The following CSMD3 variants were observed in gnomAD, a reference collection of about 807,000 sequenced individuals.
CSMD3 encodes the protein CUB and Sushi multiple domains 3, also known as CUB and sushi domain-containing protein 3.
Under a neutral mutation model 435.2 loss-of-function variants are expected in CSMD3, and 177 were observed. The observed-to-expected ratio is 0.41, with a 90% confidence interval of 0.36 to 0.46. CSMD3 has a LOEUF of 0.46. CSMD3 is among the 20% of genes least tolerant of loss of function. The pLI, the probability that CSMD3 is intolerant of heterozygous loss-of-function variation, is 0.34. For missense variants in CSMD3, 4,265 were observed against 4,504.6 expected (o/e 0.95, Z 1.52); for synonymous variants, 1,656 against 1,520.5 (o/e 1.09, Z -2.07).
At chr8:113,346,378 T>C (rs1439741404) in intron 1 of CSMD3, among the ~76,000 whole-genome samples, 1 of 152,098 alleles carries the variant, frequency 6.6e-6, no homozygotes, top group Non-Finnish European at 1.5e-5. Context: ...TGAATGAACT[T>C]AAAAAATCTG....
chr8:112,923,509 A>G (rs1482137429), intron 9 of CSMD3, among the ~76,000 whole-genome samples: 1 of 152,100 alleles, frequency 6.6e-6, no homozygotes, highest in African/African-American at 2.4e-5. Flanking sequence ...TGTTATATCA[A>G]TCTGGAAAAC....
intron 4 of CSMD3, among the ~76,000 whole-genome samples, chr8:113,119,757 T>C (rs2090933844): frequency 6.6e-6 from 1 of 152,106 alleles, no homozygotes; most frequent in Non-Finnish European, 1.5e-5. Context: ...AATAGTTAAA[T>C]ACATATTGCA....
chr8:112,906,916 A>T (rs910995836), intron 10 of CSMD3, among the ~76,000 whole-genome samples: 2 of 151,674 alleles, frequency 1.3e-5, no homozygotes, highest in South Asian at 2.1e-4. Context: ...ACCTCAAACC[A>T]TCTAGGGTAC....
At chr8:112,384,623 A>G (rs1829774816) in intron 36 of CSMD3, among the ~76,000 whole-genome samples, 2 of 152,348 alleles carry the variant, frequency 1.3e-5, no homozygotes, top group South Asian at 4.1e-4. Context: ...AATTACAACA[A>G]TTTCACTCAT....
intron 50 of CSMD3, among the ~76,000 whole-genome samples, chr8:112,308,660 AT>A (rs1821669828): frequency 6.6e-6 from 1 of 152,064 alleles, no homozygotes; most frequent in African/African-American, 2.4e-5. Flanking sequence ...ACTACATAAT[AT>A]TTAATTATAT....
intron 2 of CSMD3, among the ~76,000 whole-genome samples, chr8:113,293,852 G>C (rs1217447503): frequency 6.6e-6 from 1 of 151,968 alleles, no homozygotes; most frequent in Non-Finnish European, 1.5e-5. Flanking sequence ...ATACATATAA[G>C]AAATAAAATT....
chr8:112,679,125 A>T (rs2131765436), intron 16 of CSMD3, among the ~76,000 whole-genome samples: 1 of 150,960 alleles, frequency 6.6e-6, no homozygotes, highest in Non-Finnish European at 1.5e-5. Flanking sequence ...AAATAAAAAT[A>T]AGCTGAGGCA....
intron 1 of CSMD3, among the ~76,000 whole-genome samples, chr8:113,416,859 A>G (rs1215622894): frequency 6.6e-6 from 1 of 152,112 alleles, no homozygotes; most frequent in Non-Finnish European, 1.5e-5. Context: ...GCAATCTTTG[A>G]TTCAAGAGTA....
chr8:113,005,315 G>A (rs949263880), intron 6 of CSMD3, among the ~76,000 whole-genome samples: 6 of 151,800 alleles, frequency 4.0e-5, no homozygotes, highest in African/African-American at 1.5e-4. Flanking sequence ...ATACAGAAAT[G>A]AAAAATGTCA....
intron 37 of CSMD3, among the ~76,000 whole-genome samples, chr8:112,383,005 T>TTA (rs1829617679): frequency 6.6e-6 from 1 of 152,052 alleles, no homozygotes; most frequent in African/African-American, 2.4e-5. Flanking sequence ...AATAAAAACC[T>TTA]TAATAAATCT....
intron 1 of CSMD3, among the ~76,000 whole-genome samples, chr8:113,323,495 G>A (rs900779165): frequency 6.6e-6 from 1 of 152,070 alleles, no homozygotes; most frequent in African/African-American, 2.4e-5. Context: ...CAAGTTTAAC[G>A]TGTGTTTTGA....
At chr8:113,389,348 CA>C (rs1055849002) in intron 1 of CSMD3, among the ~76,000 whole-genome samples, 2 of 151,504 alleles carry the variant, frequency 1.3e-5, no homozygotes, top group African/African-American at 2.4e-5. Context: ...ACAACAAAAA[CA>C]AAACCACAAA....
intron 13 of CSMD3, among the ~76,000 whole-genome samples, chr8:112,748,803 C>A (rs1430913058): frequency 6.6e-6 from 1 of 152,100 alleles, no homozygotes. Context: ...ATGAACATTT[C>A]TGTCCATGTG....
At chr8:113,400,093 T>C (rs1241791215) in intron 1 of CSMD3, among the ~76,000 whole-genome samples, 1 of 151,924 alleles carries the variant, frequency 6.6e-6, no homozygotes, top group East Asian at 1.9e-4. Context: ...TTAGCCAAGT[T>C]TGTATGCAAT....
chr8:113,330,194 C>T (rs957334241), intron 1 of CSMD3, among the ~76,000 whole-genome samples: 1 of 151,932 alleles, frequency 6.6e-6, no homozygotes, highest in African/African-American at 2.4e-5. Context: ...GGAATGAAAG[C>T]ACATTGCTGC....
At chr8:113,371,272 CATTT>C (rs1240754773) in intron 1 of CSMD3, among the ~76,000 whole-genome samples, 2 of 151,806 alleles carry the variant, frequency 1.3e-5, no homozygotes, top group Non-Finnish European at 2.9e-5. Context: ...TTTAAAAAAA[CATTT>C]ATAAGGTAGC....
chr8:113,217,249 C>A (rs894497681), intron 3 of CSMD3, among the ~76,000 whole-genome samples: 3 of 151,412 alleles, frequency 2.0e-5, no homozygotes, highest in Non-Finnish European at 3.0e-5. Context: ...TAAAAGACAA[C>A]ATAATACAAA....
At chr8:112,758,908 G>T (rs764478120) in intron 13 of CSMD3, among the ~76,000 whole-genome samples, 27 of 152,058 alleles carry the variant, frequency 1.8e-4, no homozygotes, top group Non-Finnish European at 3.8e-4. Flanking sequence ...ATGCAAAACA[G>T]AATTTGTGTT....
intron 10 of CSMD3, among the ~76,000 whole-genome samples, chr8:112,914,341 TG>T (rs765534253): frequency 1.3e-5 from 2 of 151,854 alleles, no homozygotes; most frequent in African/African-American, 2.4e-5. Context: ...CGGCATAATT[TG>T]TTCAGTTCTG....
Sources: gnomAD v4.1 joint callset for allele counts (sites outside exome capture counted in the v4.1 genomes callset) on GRCh38, gnomAD v4.1.1 for gene constraint, MANE v1.5 for transcripts, NCBI Gene and HGNC (gene_info 2026-07-23, HGNC 2026-07-21) for gene names.